The following SECISBP2L variants were observed in gnomAD, a reference collection of about 807,000 sequenced individuals.
SECISBP2L encodes the protein selenocysteine insertion sequence-binding protein 2-like.
In SECISBP2L, 43 loss-of-function variants were observed where a neutral mutation model predicts 114.7. The observed-to-expected ratio is 0.38, with a 90% confidence interval of 0.29 to 0.48. The LOEUF (loss-of-function observed/expected upper bound fraction) is 0.48, where lower values mean the gene tolerates loss of function less well. SECISBP2L is among the 20% of genes least tolerant of loss of function. The pLI is 0.98. For synonymous variants in SECISBP2L, 451 were observed against 439.7 expected (o/e 1.03, Z -0.32); for missense variants, 1,136 against 1,301.1 (o/e 0.87, Z 1.95).
chr15:49,017,112 G>T, intron 9 of SECISBP2L, 97 bp from the exon 10 acceptor site: 3 of 1,157,350 alleles, frequency 2.6e-6, no homozygotes, highest in Non-Finnish European at 3.6e-6. Flanking sequence ...CAGTACAACC[G>T]GACTAGACTC....
At position 49,028,457 on chromosome 15, in the gene SECISBP2L, A is replaced by T. The variant is rs755977748; in HGVS notation, c.890T>A (p.Met297Lys). 1.2e-6 allele frequency: 2 copies of T among 1,613,778 alleles called. No individual in the cohort carries two copies. The highest frequency in any genetic ancestry group is 1.7e-6 in the Non-Finnish European group (2 of 1,179,624). Reference sequence around the variant, plus strand: ...AATCAAGACGATGTCACATACATTCATGGTCCCAGAATCAGGATTTCTCAA... The same window carrying T: ...AATCAAGACGATGTCACATACATTCTTGGTCCCAGAATCAGGATTTCTCAA... Reference protein sequence around the residue: ...GALRNPDSGTMNHVESSMCAG... With the variant: ...GALRNPDSGTKNHVESSMCAG... The change falls in exon 5 of 18, where the codon ATG (methionine) becomes AAG (lysine). Residue 297 changes from methionine (M) to lysine (K), a missense_variant. Coordinates refer to ENST00000559471, the MANE Select transcript of SECISBP2L (RefSeq NM_001193489.2).
At chr15:49,007,066 C>A (rs1453838801) in intron 14 of SECISBP2L, among the ~76,000 whole-genome samples, 4 of 152,214 alleles carry the variant, frequency 2.6e-5, no homozygotes, top group African/African-American at 9.6e-5. Flanking sequence ...TGCTGCAGGT[C>A]TGCTGGAGTT....
chr15:49,019,788 A>G lies in SECISBP2L; in HGVS notation c.1036-236T>C, dbSNP rs1902606054. The G allele has an allele frequency of 8.7e-6, 3 of 343,328 alleles. No individual in the cohort carries two copies. The East Asian group carries it at 1.5e-4, about 17-fold the overall frequency. The allele number at this position is 343,328 out of a possible 1,614,324, so 21.3% of individuals were successfully genotyped here. Reference sequence around the variant, plus strand: ...TTTCCCCTCGACATGAATATTTATTAGCAGCTTTATTCACAAAAGTGAAAA... The same window carrying G: ...TTTCCCCTCGACATGAATATTTATTGGCAGCTTTATTCACAAAAGTGAAAA... On this transcript the variant is annotated intron_variant, in intron 7 of 17. Transcript: ENST00000559471.
At chr15:49,000,589 C>T (rs982667063) in intron 15 of SECISBP2L, among the ~76,000 whole-genome samples, 6 of 152,156 alleles carry the variant, frequency 3.9e-5, no homozygotes, top group South Asian at 4.1e-4. Flanking sequence ...ATATATTTGC[C>T]GAAGAAATGC....
chr15:48,991,813 T>C lies in SECISBP2L; in HGVS notation c.*431A>G, dbSNP rs1595779113. The C allele has an allele frequency of 6.5e-6, 1 of 154,704 alleles. No homozygotes were observed. Among genetic ancestry groups the C allele is most frequent in the African/African-American group, 2.4e-5 (1 of 41,474 alleles). 9.6% of individuals were successfully genotyped at this position (154,704 alleles called of 1,614,324 possible). On this transcript the variant is annotated 3_prime_UTR_variant, in exon 18 of 18. Coordinates refer to ENST00000559471, the MANE Select transcript of SECISBP2L (RefSeq NM_001193489.2). Reference sequence around the variant, plus strand: ...TCAGCCTTTCATTTAATTTTCTGACTCCACCCCCAGTTCTTTTTTAAAGAA... The same window carrying C: ...TCAGCCTTTCATTTAATTTTCTGACCCCACCCCCAGTTCTTTTTTAAAGAA...
At chr15:49,005,688 G>C (rs868347931) in intron 14 of SECISBP2L, among the ~76,000 whole-genome samples, 1 of 150,178 alleles carries the variant, frequency 6.7e-6, no homozygotes, top group African/African-American at 2.5e-5. Flanking sequence ...GACACCAATG[G>C]GTCTTGACTC....
At chr15:49,017,689 T>G (rs1902564376) in intron 8 of SECISBP2L, 61 bp from the exon 9 acceptor site, 1 of 1,095,320 alleles carries the variant, frequency 9.1e-7, no homozygotes, top group Admixed American at 2.6e-5. Context: ...CTTTTTATAA[T>G]GCTTAGAAGT....
intron 1 of SECISBP2L, among the ~76,000 whole-genome samples, chr15:49,038,880 T>C (rs1319670048): frequency 6.6e-6 from 1 of 152,140 alleles, no homozygotes; most frequent in Non-Finnish European, 1.5e-5. Context: ...CAGAACTTTT[T>C]CCCAACAAAC....
intron 14 of SECISBP2L, among the ~76,000 whole-genome samples, chr15:49,003,728 T>C (rs937571512): frequency 1.3e-5 from 2 of 152,208 alleles, no homozygotes; most frequent in Admixed American, 6.5e-5. Context: ...TCTGTTTATG[T>C]GATGGATTAC....
At chr15:49,033,672 A>C (rs1902943588) in intron 3 of SECISBP2L, among the ~76,000 whole-genome samples, 1 of 152,082 alleles carries the variant, frequency 6.6e-6, no homozygotes, top group South Asian at 2.1e-4. Flanking sequence ...CCCAATCGCT[A>C]CAAAACAAAC....
intron 16 of SECISBP2L, 36 bp from the exon 17 acceptor site, chr15:48,996,622 T>C (rs1208187544): frequency 6.4e-7 from 1 of 1,566,340 alleles, no homozygotes. Flanking sequence ...ATCCATTTTT[T>C]TGTTACACTT....
intron 4 of SECISBP2L, among the ~76,000 whole-genome samples, chr15:49,029,308 G>A (rs979282109): frequency 6.6e-6 from 1 of 152,134 alleles, no homozygotes; most frequent in Admixed American, 6.5e-5. Flanking sequence ...CTTACCCAGA[G>A]CTTACAATCT....
At chr15:48,998,504 T>C (rs926032443) in intron 16 of SECISBP2L, among the ~76,000 whole-genome samples, 1 of 152,070 alleles carries the variant, frequency 6.6e-6, no homozygotes, top group South Asian at 2.1e-4. Context: ...AAAGAAAATA[T>C]GCAAATGGAT....
At chr15:49,019,235 T>C (rs532594492) in intron 8 of SECISBP2L, among the ~76,000 whole-genome samples, 183 bp downstream of exon 8, 14 of 152,308 alleles carry the variant, frequency 9.2e-5, no homozygotes, top group African/African-American at 3.1e-4. Context: ...GTAAAATTAA[T>C]GTTAGATTAA....
intron 1 of SECISBP2L, among the ~76,000 whole-genome samples, chr15:49,038,442 A>C (rs192533119): frequency 2.0e-5 from 3 of 152,034 alleles, no homozygotes; most frequent in South Asian, 2.1e-4. Context: ...AAAAAAAAAA[A>C]AAACCCTGTA....
chr15:49,015,626 G>C (rs1164858784), intron 11 of SECISBP2L, among the ~76,000 whole-genome samples: 1 of 152,076 alleles, frequency 6.6e-6, no homozygotes, highest in Non-Finnish European at 1.5e-5. Context: ...ACTATGAAAA[G>C]AAATGAGGGA....
Position 48,992,388 on chromosome 15 carries a change from C to T in SECISBP2L, c.3162G>A (p.Glu1054=). 1 of 1,614,192 alleles carries T rather than the reference C, an allele frequency of 6.2e-7. No homozygotes were observed. The highest frequency in any genetic ancestry group is 8.5e-7 in the Non-Finnish European group (1 of 1,180,040). Residue 1054 remains glutamate, a synonymous_variant, in exon 18 of 18, where the codon GAG becomes GAA. Coordinates refer to ENST00000559471, the MANE Select transcript of SECISBP2L (RefSeq NM_001193489.2). ...TCCCTGGCTCCAGCACCTCAGGCGC[C>T]TCTGCTTCCTCTTCTCCACTTTGCT... ...NVEQSGEEEA[E]APEVLEPGMD...
rs1233883380 is a variant in SECISBP2L, at chr15:49,046,407, C to T, written c.-108G>A. 2.4e-6 allele frequency: 3 copies of T among 1,235,630 alleles called. No homozygotes were observed. Among genetic ancestry groups the T allele is most frequent in the Admixed American group, 3.8e-5 (1 of 26,306 alleles). The allele number at this position is 1,235,630 out of a possible 1,614,324, so 76.5% of individuals were successfully genotyped here. A position where few individuals can be genotyped will look rare whatever the true frequency, so the allele number is the denominator to read the frequency against. Reference sequence around the variant, plus strand: ...CCAGACTGGGTTCCGGACCTCCGCCCCTATCTGGCTGGCCGCGACACCGAT... The same window carrying T: ...CCAGACTGGGTTCCGGACCTCCGCCTCTATCTGGCTGGCCGCGACACCGAT... On this transcript the variant is annotated 5_prime_UTR_variant, in exon 1 of 18. Coordinates refer to ENST00000559471, the MANE Select transcript of SECISBP2L (RefSeq NM_001193489.2).
At chr15:49,011,948 T>C (rs1005977071) in intron 12 of SECISBP2L, 85 bp from the exon 13 acceptor site, 22 of 1,443,842 alleles carry the variant, frequency 1.5e-5, no homozygotes, top group Non-Finnish European at 1.6e-5. Context: ...AACACAGGTA[T>C]GGTAGTTCAC....
Sources: allele counts gnomAD v4.1 joint callset (sites outside exome capture counted in the v4.1 genomes callset), GRCh38; gene constraint gnomAD v4.1.1; transcripts MANE v1.5; gene names NCBI Gene and HGNC (gene_info 2026-07-23, HGNC 2026-07-21).